FER: variants seen among roughly 807,000 people sequenced by gnomAD.
The protein encoded by FER is tyrosine-protein kinase Fer.
FER carries 63 observed loss-of-function variants against 111.0 expected under a neutral mutation model. The ratio of observed to expected loss-of-function variants is 0.57; its 90% CI spans 0.46 to 0.70. The LOEUF (loss-of-function observed/expected upper bound fraction) is 0.70, where lower values mean the gene tolerates loss of function less well. Ranked by LOEUF, FER falls within the 30% of genes least tolerant of loss-of-function variation. FER has a pLI of 0.00. For missense variants in FER, 914 were observed against 954.0 expected, an observed-to-expected ratio of 0.96 and a Z score of 0.55; for synonymous variants, 327 against 313.9, an observed-to-expected ratio of 1.04 and a Z score of -0.44.
intron 16 of FER, among the ~76,000 whole-genome samples, chr5:109,063,196 T>C (rs1476391145): frequency 6.6e-6 from 1 of 152,232 alleles, no homozygotes; most frequent in Non-Finnish European, 1.5e-5. Context: ...GCATTTGTAA[T>C]TTCTATAGTA....
intron 1 of FER, among the ~76,000 whole-genome samples, chr5:108,758,183 G>A (rs185162666): frequency 2.6e-5 from 4 of 152,250 alleles, no homozygotes; most frequent in Admixed American, 1.3e-4. Flanking sequence ...TTCTACAGAT[G>A]TTACTAGAAT....
At chr5:108,790,680 A>G (rs1166191422) in intron 2 of FER, among the ~76,000 whole-genome samples, 2 of 152,188 alleles carry the variant, frequency 1.3e-5, no homozygotes, top group African/African-American at 4.8e-5. Flanking sequence ...ATAACCAAAG[A>G]ATTCAGCCGT....
rs568177525 is a variant in FER at position 109,086,056 on chromosome 5, CAGTT to C, written c.1925-14337_1925-14334del. On this transcript the variant is annotated intron_variant, in intron 16 of 19. Coordinates refer to ENST00000281092, the MANE Select transcript of FER (RefSeq NM_005246.4). ...CAAGGTTATACAGGACTCATAAAAA[CAGTT>C]AGAAATATTTTCTTCTCCTTTTCTA... Among the ~76,000 whole-genome samples the C allele has an allele frequency of 2.5e-3, 382 of 151,668 alleles. 1 individual carries two copies. Among genetic ancestry groups the C allele is most frequent in the African/African-American group, 7.7e-3 (320 of 41,500 alleles).
intron 2 of FER, among the ~76,000 whole-genome samples, chr5:108,776,112 C>A (rs1753454115): frequency 6.6e-6 from 1 of 152,048 alleles, no homozygotes; most frequent in Non-Finnish European, 1.5e-5. Context: ...TAACTTGAAC[C>A]ATAAACTAAT....
chr5:109,008,065 C>G (rs952185815), intron 13 of FER, among the ~76,000 whole-genome samples: 2 of 152,126 alleles, frequency 1.3e-5, no homozygotes, highest in African/African-American at 4.8e-5. Flanking sequence ...TATTTGTGAT[C>G]TGTATGTCTT....
intron 16 of FER, among the ~76,000 whole-genome samples, chr5:109,050,381 C>CACTGTA (rs1368531844): frequency 6.6e-6 from 1 of 152,152 alleles, no homozygotes; most frequent in Admixed American, 6.5e-5. Context: ...CAAATTTGAA[C>CACTGTA]ACTGTATGTG....
In FER at chr5:109,156,315, A is replaced by G. The variant is rs376564790; in HGVS notation, c.2049-24432A>G. ...CAGGGTTTTTCATTAATAGAATGTC[A>G]GAGTGGAAATACAGTGAAACACCAA... is the stretch of plus-strand genomic sequence containing the variant. On this transcript the variant is annotated intron_variant, in intron 17 of 19. Coordinates refer to ENST00000281092, the MANE Select transcript of FER (RefSeq NM_005246.4). Among the ~76,000 whole-genome samples the G allele has an allele frequency of 2.0e-4, 31 of 152,146 alleles. No homozygotes were observed. The East Asian group carries it at 5.8e-3, about 28-fold the overall frequency.
At chr5:109,079,440 G>A (rs1336557761) in intron 16 of FER, among the ~76,000 whole-genome samples, 1 of 152,054 alleles carries the variant, frequency 6.6e-6, no homozygotes, top group Non-Finnish European at 1.5e-5. Context: ...TCTGAAGTGT[G>A]GACTGAATTG....
chr5:108,891,330 T>C (rs951451045), intron 9 of FER: 4 of 152,168 alleles, frequency 2.6e-5, no homozygotes, highest in African/African-American at 9.6e-5. Context: ...GACACATATG[T>C]CATTTGTAAA....
At chr5:108,829,016 T>C (rs1467322769) in intron 3 of FER, among the ~76,000 whole-genome samples, 3 of 152,242 alleles carry the variant, frequency 2.0e-5, no homozygotes, top group Non-Finnish European at 4.4e-5. Context: ...TGCTATGCTG[T>C]AACCAAAGAG....
At chr5:108,967,840 A>G (rs1006425635) in intron 13 of FER, among the ~76,000 whole-genome samples, 1 of 151,618 alleles carries the variant, frequency 6.6e-6, no homozygotes, top group East Asian at 1.9e-4. Flanking sequence ...AAGTGTGCCA[A>G]ATGGGAAGAC....
intron 17 of FER, among the ~76,000 whole-genome samples, chr5:109,130,012 TTATA>T (rs142339770): frequency 0.042 from 6,358 of 152,022 alleles, 164 homozygotes; most frequent in South Asian, 0.084. Flanking sequence ...ATTTTCATAT[TTATA>T]CATGAATAGT....
chr5:109,102,859 G>A (rs1748423089), intron 17 of FER, among the ~76,000 whole-genome samples: 2 of 151,818 alleles, frequency 1.3e-5, no homozygotes, highest in Admixed American at 1.3e-4. Flanking sequence ...TTTGTGTTGA[G>A]TTTTTTTATA....
At chr5:109,159,919 C>T (rs1480103717) in intron 17 of FER, among the ~76,000 whole-genome samples, 2 of 152,114 alleles carry the variant, frequency 1.3e-5, no homozygotes, top group African/African-American at 4.8e-5. Context: ...GATTTACCTA[C>T]CTTTTCTGTT....
chr5:108,916,638 A>G (rs1397049349), intron 10 of FER, among the ~76,000 whole-genome samples: 1 of 152,148 alleles, frequency 6.6e-6, no homozygotes. Context: ...ATTTTTTGAT[A>G]TAGTGAACCT....
intron 16 of FER, among the ~76,000 whole-genome samples, chr5:109,079,063 G>T (rs1390768937): frequency 6.6e-6 from 1 of 152,120 alleles, no homozygotes; most frequent in Non-Finnish European, 1.5e-5. Flanking sequence ...CAGATTGAGT[G>T]AGTTATGGGA....
chr5:108,798,457 A>T (rs565201156), intron 3 of FER, 68 bp downstream of exon 3: 1 of 1,197,744 alleles, frequency 8.3e-7, no homozygotes, highest in South Asian at 1.4e-5. Context: ...CAATAGCTCA[A>T]ACTATTGAAT....
chr5:109,140,255 T>TA (rs1200397996), intron 17 of FER, among the ~76,000 whole-genome samples: 1 of 152,140 alleles, frequency 6.6e-6, no homozygotes, highest in East Asian at 1.9e-4. Context: ...TGTACTAAAC[T>TA]AAAATCATAT....
At position 109,191,672 on chromosome 5, in the gene FER, A is replaced by G. The variant is rs976402962; in HGVS notation, c.*4097A>G. ...TACTAAGTCAGTGTGAAAGTTTACC[A>G]TCAAAATAGCGTTACTTCTTTTATG... On this transcript the variant is annotated 3_prime_UTR_variant, in exon 20 of 20. Coordinates refer to ENST00000281092, the MANE Select transcript of FER (RefSeq NM_005246.4). The G allele has an allele frequency of 6.6e-6, 1 of 152,218 alleles. No individual in the cohort carries two copies. The highest frequency in any genetic ancestry group is 2.4e-5 in the African/African-American group (1 of 41,464). The allele number at this position is 152,218 out of a possible 1,614,324, so 9.4% of individuals were successfully genotyped here.
Sources: allele counts gnomAD v4.1 joint callset (sites outside exome capture counted in the v4.1 genomes callset), GRCh38; gene constraint gnomAD v4.1.1; transcripts MANE v1.5; gene names NCBI Gene and HGNC (gene_info 2026-07-23, HGNC 2026-07-21).